SLC25A21: variants seen among roughly 807,000 people sequenced by gnomAD.
The protein encoded by SLC25A21 is solute carrier family 25 member 21, also known as mitochondrial 2-oxodicarboxylate carrier.
SLC25A21 carries 47 observed loss-of-function variants against 43.8 expected under a neutral mutation model. The ratio of observed to expected loss-of-function variants is 1.07; its 90% confidence interval spans 0.85 to 1.37. The LOEUF (loss-of-function observed/expected upper bound fraction) is 1.37. Among genes scored for constraint, SLC25A21 ranks in the 40% most tolerant of loss-of-function variants. The probability of loss-of-function intolerance (pLI) is 0.00; values close to 1 mark genes in which losing one functional copy is unlikely to be tolerated. For synonymous variants in SLC25A21, 131 were observed against 121.3 expected (o/e 1.08, Z -0.52); for missense variants, 352 against 350.2 (o/e 1.00, Z -0.04).
intron 1 of SLC25A21, among the ~76,000 whole-genome samples, chr14:37,121,762 C>T (rs1216945850): frequency 4.0e-5 from 6 of 151,432 alleles, no homozygotes; most frequent in African/African-American, 1.5e-4. Context: ...GCACTCCAGC[C>T]TGAGCGACGG....
At chr14:37,010,004 G>A (rs1042224365) in intron 1 of SLC25A21, among the ~76,000 whole-genome samples, 2 of 152,194 alleles carry the variant, frequency 1.3e-5, no homozygotes, top group South Asian at 2.1e-4. Context: ...TGGGAAGAAC[G>A]TTTAGAGTCA....
At chr14:37,070,671 G>A (rs1444460972) in intron 1 of SLC25A21, among the ~76,000 whole-genome samples, 1 of 152,150 alleles carries the variant, frequency 6.6e-6, no homozygotes, top group Non-Finnish European at 1.5e-5. Flanking sequence ...GAGGGCTGCT[G>A]ACCAGAATTG....
chr14:36,736,625 GA>G (rs58319808), intron 3 of SLC25A21, among the ~76,000 whole-genome samples: 16 of 148,916 alleles, frequency 1.1e-4, no homozygotes, highest in Admixed American at 6.0e-4. Flanking sequence ...ATTATTGTAG[GA>G]AAAAAAAAAT....
chr14:36,706,527 C>T (rs1009975564), intron 7 of SLC25A21, among the ~76,000 whole-genome samples: 18 of 152,080 alleles, frequency 1.2e-4, no homozygotes, highest in South Asian at 2.1e-4. Flanking sequence ...GACTTAACGT[C>T]GGCACTTTGC....
At chr14:37,140,063 C>A (rs1489089444) in intron 1 of SLC25A21, among the ~76,000 whole-genome samples, 1 of 152,064 alleles carries the variant, frequency 6.6e-6, no homozygotes, top group Non-Finnish European at 1.5e-5. Context: ...ATCAAAGAAC[C>A]CAGCTGCAAG....
intron 3 of SLC25A21, among the ~76,000 whole-genome samples, chr14:36,735,656 T>C (rs1885000150): frequency 6.6e-6 from 1 of 152,106 alleles, no homozygotes; most frequent in African/African-American, 2.4e-5. Context: ...CGACCTCTTG[T>C]TCTCCTTCAA....
At chr14:36,947,990 A>C (rs1442684934) in intron 1 of SLC25A21, among the ~76,000 whole-genome samples, 1 of 152,202 alleles carries the variant, frequency 6.6e-6, no homozygotes, top group East Asian at 1.9e-4. Context: ...TCCTTGAAGA[A>C]GGGACCATCA....
intron 1 of SLC25A21, among the ~76,000 whole-genome samples, chr14:36,880,702 T>C (rs143991560): frequency 2.0e-5 from 3 of 152,330 alleles, no homozygotes; most frequent in African/African-American, 4.8e-5. Context: ...TTCATTAGTT[T>C]GAACCTTATA....
At chr14:36,744,289 A>T (rs1885401061) in intron 3 of SLC25A21, among the ~76,000 whole-genome samples, 1 of 152,210 alleles carries the variant, frequency 6.6e-6, no homozygotes, top group Admixed American at 6.5e-5. Context: ...TTCAGATTAC[A>T]CTAGAAGGCT....
At chr14:36,994,089 A>G (rs1179244292) in intron 1 of SLC25A21, among the ~76,000 whole-genome samples, 2 of 152,174 alleles carry the variant, frequency 1.3e-5, no homozygotes, top group African/African-American at 2.4e-5. Flanking sequence ...ATAACACTTC[A>G]CTTTCTAGTA....
chr14:36,851,175 G>A (rs1889723173), intron 2 of SLC25A21, among the ~76,000 whole-genome samples: 1 of 152,114 alleles, frequency 6.6e-6, no homozygotes, highest in Non-Finnish European at 1.5e-5. Context: ...CCAAAATAAA[G>A]TATGTAAGAT....
chr14:37,149,030 C>A (rs1312370345), intron 1 of SLC25A21, among the ~76,000 whole-genome samples: 1 of 152,142 alleles, frequency 6.6e-6, no homozygotes, highest in Non-Finnish European at 1.5e-5. Context: ...TTTGGCCTCC[C>A]TAAATGCTGG....
chr14:36,713,726 G>A (rs919141791), intron 6 of SLC25A21, among the ~76,000 whole-genome samples: 2 of 152,174 alleles, frequency 1.3e-5, no homozygotes, highest in Non-Finnish European at 2.9e-5. Context: ...GCTCAAACCT[G>A]TAATCTCAGC....
chr14:36,962,433 T>A (rs924572066), intron 1 of SLC25A21, among the ~76,000 whole-genome samples: 3 of 152,166 alleles, frequency 2.0e-5, no homozygotes, highest in Non-Finnish European at 4.4e-5. Flanking sequence ...ATCCTACATA[T>A]CTGCTGTTTT....
At chr14:36,697,017 G>A (rs150685372) in intron 7 of SLC25A21, among the ~76,000 whole-genome samples, 2,729 of 152,188 alleles carry the variant, frequency 0.018, 91 homozygotes, top group African/African-American at 0.062. Flanking sequence ...GTCGATTTTA[G>A]ATCTTTCCTG....
intron 1 of SLC25A21, among the ~76,000 whole-genome samples, chr14:36,883,575 G>A (rs1264325413): frequency 6.6e-6 from 1 of 152,176 alleles, no homozygotes; most frequent in African/African-American, 2.4e-5. Flanking sequence ...AGAGAGCAGA[G>A]ACCTTCATAT....
chr14:37,164,741 T>C (rs1401132463), intron 1 of SLC25A21, among the ~76,000 whole-genome samples: 1 of 152,200 alleles, frequency 6.6e-6, no homozygotes, highest in Admixed American at 6.5e-5. Context: ...AAACATCCTA[T>C]ATCTTTTTAT....
In SLC25A21 at chr14:37,100,028, A is replaced by G. The variant is rs548823581; in HGVS notation, c.70+72253T>C. ...TTCCAGCTCAAATGCCACCACCTCT[A>G]TGTTTGTTTGTTTGTTTGTTTGTTT... On this transcript the variant is annotated intron_variant, in intron 1 of 9. Transcript: ENST00000331299. Among the ~76,000 whole-genome samples the G allele has an allele frequency of 7.8e-4, 115 of 147,320 alleles. 1 individual carries two copies. Among genetic ancestry groups the G allele is most frequent in the Middle Eastern group, 3.4e-3 (1 of 290 alleles).
At chr14:36,781,082 TTTGTCTC>T (rs1293641310) in intron 3 of SLC25A21, among the ~76,000 whole-genome samples, 1 of 152,164 alleles carries the variant, frequency 6.6e-6, no homozygotes, top group East Asian at 1.9e-4. Flanking sequence ...TATAATGACC[TTTGTCTC>T]TTGTTATAGA....
Sources: allele counts gnomAD v4.1 joint callset (sites outside exome capture counted in the v4.1 genomes callset), GRCh38; gene constraint gnomAD v4.1.1; transcripts MANE v1.5; gene names NCBI Gene and HGNC (gene_info 2026-07-23, HGNC 2026-07-21).